The following DPYSL2 variants were observed in gnomAD, a reference collection of about 807,000 sequenced individuals.
The protein encoded by DPYSL2 is dihydropyrimidinase like 2, also known as dihydropyrimidinase-related protein 2.
Under a neutral mutation model 69.9 loss-of-function variants are expected in DPYSL2, and 13 were observed. The observed-to-expected ratio is 0.19, with a 90% CI of 0.12 to 0.30. The LOEUF (loss-of-function observed/expected upper bound fraction) is 0.30, where lower values mean the gene tolerates loss of function less well. Among genes scored for constraint, DPYSL2 ranks in the 10% least tolerant of loss-of-function variants. DPYSL2 has a pLI of 1.00. For missense variants in DPYSL2, 587 were observed against 918.9 expected, an observed-to-expected ratio of 0.64 and a Z score of 4.67; for synonymous variants, 326 against 359.1, an observed-to-expected ratio of 0.91 and a Z score of 1.04.
rs1367559400 is a variant in DPYSL2 at position 26,653,982 on chromosome 8, T to G, written c.1942+585T>G. On this transcript the variant is annotated intron_variant, in intron 13 of 13. Coordinates refer to ENST00000521913, the MANE Select transcript of DPYSL2 (RefSeq NM_001197293.3). The surrounding 1 kb of genome is among the most constrained non-coding windows in gnomAD (Gnocchi z 5.7). ...ATATATTAAGAAGACATTTGTTCAA[T>G]TTATTAGGTCCATCATAAGAAAGGA... 6.6e-6 allele frequency among the ~76,000 whole-genome samples: 1 copy of G among 152,206 alleles called. No individual in the cohort carries two copies. Among genetic ancestry groups the G allele is most frequent in the African/African-American group, 2.4e-5 (1 of 41,454 alleles).
At chr8:26,528,859 G>C (rs568012549) in intron 1 of DPYSL2, among the ~76,000 whole-genome samples, 2 of 152,126 alleles carry the variant, frequency 1.3e-5, no homozygotes, top group East Asian at 3.9e-4. Context: ...ACAGGTTTAG[G>C]GAGGCCAGTT....
chr8:26,557,541 G>A (rs1339010006), intron 1 of DPYSL2, among the ~76,000 whole-genome samples: 1 of 149,372 alleles, frequency 6.7e-6, no homozygotes, highest in African/African-American at 2.5e-5. Flanking sequence ...AACTTTGGGA[G>A]CCGAGCTAGG....
Position 26,618,023 on chromosome 8 carries a change from G to GT in DPYSL2, c.629-6118dup, listed in dbSNP as rs558980268. On this transcript the variant is annotated intron_variant, in intron 3 of 13. Coordinates refer to ENST00000521913, the MANE Select transcript of DPYSL2 (RefSeq NM_001197293.3). ...ATGTGAATTATACCTCAATAAAACT[G>GT]TTAAAAAAAACAGTAGGGTCCTTTG... 5.9e-3 allele frequency among the ~76,000 whole-genome samples: 896 copies of GT among 152,072 alleles called. 10 individuals carry two copies. Among genetic ancestry groups the GT allele is most frequent in the African/African-American group, 0.021 (857 of 41,458 alleles).
rs1803396535 is a variant in DPYSL2, at chr8:26,656,547, C to G, written c.*841C>G. The G allele has an allele frequency of 6.6e-6, 1 of 152,546 alleles. No homozygotes were observed. The highest frequency in any genetic ancestry group is 6.5e-5 in the Admixed American group (1 of 15,274). 9.4% of individuals were successfully genotyped at this position (152,546 alleles called of 1,614,324 possible). ...GTCTCTCTCTCTCTCTGTGTTTCCT[C>G]CAGCCCTTGTCTCGGAGACGGTGTT... On this transcript the variant is annotated 3_prime_UTR_variant, in exon 14 of 14. Transcript: ENST00000521913.
chr8:26,593,450 C>T lies in DPYSL2; in HGVS notation c.628+9467C>T, dbSNP rs747172945. 4.6e-5 allele frequency among the ~76,000 whole-genome samples: 7 copies of T among 152,138 alleles called. No homozygotes were observed. The highest frequency in any genetic ancestry group is 2.1e-4 in the South Asian group (1 of 4,824). On this transcript the variant is annotated intron_variant, in intron 3 of 13. Coordinates refer to ENST00000521913, the MANE Select transcript of DPYSL2 (RefSeq NM_001197293.3). The surrounding 1 kb of genome is among the most constrained non-coding windows in gnomAD (Gnocchi z 5.7). ...CGAATGAATGTCTGCCAAGATTTTC[C>T]GAAACCCAGAGCTGCCCTCTGCTCC...
intron 1 of DPYSL2, among the ~76,000 whole-genome samples, chr8:26,526,571 C>A (rs1585489240): frequency 6.6e-6 from 1 of 152,320 alleles, no homozygotes; most frequent in African/African-American, 2.4e-5. Context: ...TTGACTATAA[C>A]TTCTAGAACC....
At chr8:26,635,624 G>A (rs1482088259) in intron 8 of DPYSL2, among the ~76,000 whole-genome samples, 4 of 152,104 alleles carry the variant, frequency 2.6e-5, no homozygotes, top group Non-Finnish European at 4.4e-5. Context: ...AGGGCATGTC[G>A]TTCATTTTGA....
At chr8:26,618,221 A>G (rs143597963) in intron 3 of DPYSL2, among the ~76,000 whole-genome samples, 437 of 152,166 alleles carry the variant, frequency 2.9e-3, no homozygotes, top group Non-Finnish European at 5.3e-3. Context: ...GAGGGAAGGA[A>G]CACCCAGTGT....
chr8:26,547,278 G>A (rs1239785727), intron 1 of DPYSL2, among the ~76,000 whole-genome samples: 1 of 151,856 alleles, frequency 6.6e-6, no homozygotes, highest in East Asian at 1.9e-4. Flanking sequence ...CAAGAAAACT[G>A]CTTGAACCCA....
Position 26,633,317 on chromosome 8 carries a change from TC to T in DPYSL2, c.1006-1462del, listed in dbSNP as rs140796503. On this transcript the variant is annotated intron_variant, in intron 7 of 13. Coordinates refer to ENST00000521913, the MANE Select transcript of DPYSL2 (RefSeq NM_001197293.3). Reference sequence around the variant, plus strand: ...GGGATGGAGAGGGAGCCAGTGATGTTCTGAGATCTGCCTTCCACAATTTCAC... The same window carrying T: ...GGGATGGAGAGGGAGCCAGTGATGTTTGAGATCTGCCTTCCACAATTTCAC... Among the ~76,000 whole-genome samples the T allele has an allele frequency of 7.9e-3, 1,197 of 152,312 alleles. 14 individuals are homozygous for T. Among genetic ancestry groups the T allele is most frequent in the African/African-American group, 0.028 (1,156 of 41,572 alleles).
chr8:26,612,892 T>C (rs906545626), intron 3 of DPYSL2, among the ~76,000 whole-genome samples: 1 of 152,220 alleles, frequency 6.6e-6, no homozygotes, highest in Non-Finnish European at 1.5e-5. Context: ...AGCAGGCAAG[T>C]CCCGTGGCCT....
At chr8:26,636,086 C>A (rs951925888) in intron 8 of DPYSL2, among the ~76,000 whole-genome samples, 1 of 152,216 alleles carries the variant, frequency 6.6e-6, no homozygotes, top group Non-Finnish European at 1.5e-5. Flanking sequence ...CTCCTGGGGC[C>A]TCTGTCCTTA....
At position 26,626,460 on chromosome 8, in the gene DPYSL2, CCT is replaced by C. The variant is rs750684462; in HGVS notation, c.794-150_794-149del. Among the ~76,000 whole-genome samples the C allele has an allele frequency of 6.7e-6, 1 of 149,780 alleles. No homozygotes were observed. Among genetic ancestry groups the C allele is most frequent in the Non-Finnish European group, 1.5e-5 (1 of 67,816 alleles). ...TACCATTCTGTGTCTCCATTTCTCT[CCT>C]CTCTCTTTCTCTGTACTGAAACACA... On this transcript the variant is annotated intron_variant, in intron 4 of 13. Coordinates refer to ENST00000521913, the MANE Select transcript of DPYSL2 (RefSeq NM_001197293.3). This position sits in a 1 kb window ranked among gnomAD's most constrained non-coding sequence, Gnocchi z 4.3.
chr8:26,612,890 A>C (rs1802264145), intron 3 of DPYSL2, among the ~76,000 whole-genome samples: 1 of 152,224 alleles, frequency 6.6e-6, no homozygotes, highest in African/African-American at 2.4e-5. Context: ...GCAGCAGGCA[A>C]GTCCCGTGGC....
chr8:26,529,233 A>AATCT (rs56968092), intron 1 of DPYSL2, among the ~76,000 whole-genome samples: 15,475 of 143,758 alleles, frequency 0.11, 1,256 homozygotes, highest in African/African-American at 0.2. Context: ...TATAAATTTA[A>AATCT]ATCTATCTAT....
At position 26,627,965 on chromosome 8, in the gene DPYSL2, G is replaced by A. The variant is rs756447388; in HGVS notation, c.1005+25G>A. 1.9e-5 allele frequency: 30 copies of A among 1,609,004 alleles called. No homozygotes were observed. Among genetic ancestry groups the A allele is most frequent in the Admixed American group, 6.7e-5 (4 of 59,676 alleles). On this transcript the variant is annotated intron_variant, in intron 7 of 13. Coordinates refer to ENST00000521913, the MANE Select transcript of DPYSL2 (RefSeq NM_001197293.3). This position sits in a 1 kb window ranked among gnomAD's most constrained non-coding sequence, Gnocchi z 6.9. ...GGTGAATGTTCACCAAGCGGAATGC[G>A]TGAATCAGTGTCCCTTGGGCACTGT...
intron 7 of DPYSL2, 102 bp downstream of exon 7, chr8:26,628,042 A>T (rs548199361): frequency 8.5e-7 from 1 of 1,179,680 alleles, no homozygotes; most frequent in Middle Eastern, 2.7e-4. Flanking sequence ...GGCTTCTCTG[A>T]TGCTGACTGT....
Position 26,617,147 on chromosome 8 carries a change from G to A in DPYSL2, c.629-6996G>A, listed in dbSNP as rs1343488052. On this transcript the variant is annotated intron_variant, in intron 3 of 13. Coordinates refer to ENST00000521913, the MANE Select transcript of DPYSL2 (RefSeq NM_001197293.3). This position sits in a 1 kb window ranked among gnomAD's most constrained non-coding sequence, Gnocchi z 4.7. The stretch of plus-strand genomic sequence containing the variant: ...TCATGATATTGGGTTCTCTATCAGT[G>A]TCGCTCCCTGGCTGTAATATTGTAC... Among the ~76,000 whole-genome samples the A allele has an allele frequency of 1.3e-5, 2 of 152,170 alleles. No individual in the cohort carries two copies. Among genetic ancestry groups the A allele is most frequent in the Admixed American group, 1.3e-4 (2 of 15,276 alleles).
At position 26,582,148 on chromosome 8, in the gene DPYSL2, C is replaced by T. The variant is rs116076155; in HGVS notation, c.443+91C>T. 54 of 1,033,532 alleles carry T rather than the reference C, an allele frequency of 5.2e-5. No individual in the cohort carries two copies. In the African/African-American group the frequency reaches 7.5e-4, roughly 14 times the overall value. The allele number at this position is 1,033,532 out of a possible 1,614,324, so 64.0% of individuals were successfully genotyped here. On this transcript the variant is annotated intron_variant, in intron 2 of 13. Coordinates refer to ENST00000521913, the MANE Select transcript of DPYSL2 (RefSeq NM_001197293.3). This position sits in a 1 kb window ranked among gnomAD's most constrained non-coding sequence, Gnocchi z 4.1. Reference sequence around the variant, plus strand: ...CATTCGCATCCAAAGTATCAAACTTCAGGAACATCAGAGAGTGACCAACTT... The same window carrying T: ...CATTCGCATCCAAAGTATCAAACTTTAGGAACATCAGAGAGTGACCAACTT...
Sources: allele counts gnomAD v4.1 joint callset (sites outside exome capture counted in the v4.1 genomes callset), GRCh38; gene constraint gnomAD v4.1.1; non-coding constraint Gnocchi (gnomAD v3.1); transcripts MANE v1.5; gene names NCBI Gene and HGNC (gene_info 2026-07-23, HGNC 2026-07-21).